Variants in ACTR3C observed in about 807,000 individuals in gnomAD.
ACTR3C encodes the protein actin-related protein 3C.
A neutral mutation model predicts 26.3 loss-of-function variants in ACTR3C; 18 were observed. That is an observed-to-expected ratio of 0.68 (90% CI 0.47 to 1.01). ACTR3C has a LOEUF of 1.01. Ranked by LOEUF, ACTR3C falls within the 50% of genes least tolerant of loss-of-function variation. The pLI is 0.00. For missense variants in ACTR3C, 184 were observed against 250.7 expected (o/e 0.73, Z 1.80); for synonymous variants, 55 against 94.5 (o/e 0.58, Z 2.42).
At chr7:150,035,461 G>A in the ACTR3C span, among the ~76,000 whole-genome samples, 2 of 55,188 alleles carry the variant, frequency 3.6e-5, 1 homozygote, top group Non-Finnish European at 7.8e-5. Flanking sequence ...TGCCTCCCCC[G>A]TTGCGATGGG....
chr7:150,041,780 C>T, the ACTR3C span, among the ~76,000 whole-genome samples: 65 of 128,598 alleles, frequency 5.1e-4, 1 homozygote, highest in East Asian at 1.4e-3. Flanking sequence ...GCTCTCAGTC[C>T]CTGCCTCGCG....
intron 1 of ACTR3C, among the ~76,000 whole-genome samples, chr7:150,308,519 G>T (rs1376910679): frequency 6.6e-6 from 1 of 151,990 alleles, no homozygotes; most frequent in Non-Finnish European, 1.5e-5. Context: ...TCCCTCCCTA[G>T]CCTCTGCTCC....
At chr7:150,294,081 C>T (rs552420408) in intron 2 of ACTR3C, among the ~76,000 whole-genome samples, 107 of 152,274 alleles carry the variant, frequency 7.0e-4, no homozygotes, top group African/African-American at 2.2e-3. Context: ...AATGAGGTCA[C>T]TTGTGGCGTT....
intron 1 of ACTR3C, among the ~76,000 whole-genome samples, chr7:150,295,599 A>G (rs1177026820): frequency 6.6e-6 from 1 of 152,034 alleles, no homozygotes; most frequent in East Asian, 1.9e-4. Context: ...AGTTACAGAA[A>G]AAGAAACTCT....
chr7:150,035,506 T>C, the ACTR3C span, among the ~76,000 whole-genome samples: 2 of 117,640 alleles, frequency 1.7e-5, 1 homozygote, highest in Non-Finnish European at 3.7e-5. Context: ...AGGGGATAGC[T>C]CTCAGTCCCC....
chr7:150,066,715 T>C, the ACTR3C span, among the ~76,000 whole-genome samples: 1 of 152,262 alleles, frequency 6.6e-6, no homozygotes, highest in African/African-American at 2.4e-5. Context: ...AGAGATATTC[T>C]GTTAATCTCT....
the ACTR3C span, among the ~76,000 whole-genome samples, chr7:150,013,924 C>G: frequency 6.6e-6 from 1 of 152,110 alleles, no homozygotes; most frequent in Non-Finnish European, 1.5e-5. Context: ...CTTTCATTTC[C>G]TGGTACCTGA....
chr7:150,038,038 A>AG, the ACTR3C span, among the ~76,000 whole-genome samples: 36 of 130,470 alleles, frequency 2.8e-4, 3 homozygotes, highest in Admixed American at 7.3e-4. Flanking sequence ...CCCAAGAGCC[A>AG]TGGGGGGAAG....
At chr7:149,900,207 G>A in the ACTR3C span, among the ~76,000 whole-genome samples, 12 of 148,912 alleles carry the variant, frequency 8.1e-5, no homozygotes, top group African/African-American at 2.0e-4. Context: ...ATGGAGTATC[G>A]CTCTGTCACC....
the ACTR3C span, among the ~76,000 whole-genome samples, chr7:149,913,279 G>C: frequency 6.6e-6 from 1 of 152,116 alleles, no homozygotes. Flanking sequence ...AATATGGCAA[G>C]TGCTCAAGAC....
chr7:150,035,416 G>C, the ACTR3C span, among the ~76,000 whole-genome samples: 109 of 34,584 alleles, frequency 3.2e-3, 31 homozygotes, highest in African/African-American at 8.2e-3. Context: ...AGGGGGGGAA[G>C]AGGGACTGGC....
At chr7:149,883,633 C>T in the ACTR3C span, among the ~76,000 whole-genome samples, 2 of 152,330 alleles carry the variant, frequency 1.3e-5, no homozygotes, top group South Asian at 2.1e-4. Flanking sequence ...AGCGAGCCCT[C>T]GTCCAATCTG....
At chr7:150,005,371 T>A in the ACTR3C span, among the ~76,000 whole-genome samples, 7 of 152,292 alleles carry the variant, frequency 4.6e-5, no homozygotes, top group East Asian at 1.3e-3. Context: ...AGCCAGCCCA[T>A]CATCCCAATC....
chr7:149,951,640 T>G, the ACTR3C span, among the ~76,000 whole-genome samples: 2 of 152,058 alleles, frequency 1.3e-5, no homozygotes, highest in African/African-American at 4.8e-5. Context: ...TCTAGCCGCC[T>G]CCTCTGTGAC....
the ACTR3C span, among the ~76,000 whole-genome samples, chr7:149,964,851 C>T: frequency 6.6e-6 from 1 of 151,930 alleles, no homozygotes; most frequent in African/African-American, 2.4e-5. Context: ...AGGTAGAACA[C>T]TAAGACCTAG....
the ACTR3C span, among the ~76,000 whole-genome samples, chr7:150,234,149 T>C: frequency 6.6e-6 from 1 of 152,196 alleles, no homozygotes; most frequent in Non-Finnish European, 1.5e-5. Flanking sequence ...ACAGTTACAT[T>C]GGAGCCCTGT....
the ACTR3C span, among the ~76,000 whole-genome samples, chr7:149,898,422 A>G: frequency 6.6e-6 from 1 of 152,208 alleles, no homozygotes; most frequent in Non-Finnish European, 1.5e-5. Flanking sequence ...GATTGTAAAG[A>G]TAGCCGGGCG....
At chr7:149,909,265 C>CAA in the ACTR3C span, among the ~76,000 whole-genome samples, 1 of 135,140 alleles carries the variant, frequency 7.4e-6, no homozygotes, top group Non-Finnish European at 1.6e-5. Flanking sequence ...TCATTTCCAC[C>CAA]AAAAAAAAAA....
At chr7:149,937,129 CTAAT>C in the ACTR3C span, among the ~76,000 whole-genome samples, 1 of 150,652 alleles carries the variant, frequency 6.6e-6, no homozygotes, top group African/African-American at 2.4e-5. Context: ...ATATTACCAA[CTAAT>C]AGTGCTGTCG....
Sources: gnomAD v4.1 joint callset for allele counts (sites outside exome capture counted in the v4.1 genomes callset) on GRCh38, gnomAD v4.1.1 for gene constraint, MANE v1.5 for transcripts, NCBI Gene and HGNC (gene_info 2026-07-23, HGNC 2026-07-21) for gene names.